EIF4G3: variants seen among roughly 807,000 people sequenced by gnomAD.
The protein encoded by EIF4G3 is eukaryotic translation initiation factor 4 gamma 3, also known as eIF-4-gamma 3.
In EIF4G3, 34 loss-of-function variants were observed where a neutral mutation model predicts 186.4. That is an observed-to-expected ratio of 0.18 (90% CI 0.14 to 0.24). The LOEUF (loss-of-function observed/expected upper bound fraction) is 0.24, where lower values mean the gene tolerates loss of function less well. Among genes scored for constraint, EIF4G3 ranks in the 10% least tolerant of loss-of-function variants. The pLI is 1.00. For missense variants in EIF4G3, 1,536 were observed against 1,948.5 expected (o/e 0.79, Z 3.99); for synonymous variants, 673 against 679.5 (o/e 0.99, Z 0.15).
rs80312286 is a variant in EIF4G3 at position 20,973,606 on chromosome 1, G to A, written c.494-507C>T. Reference sequence around the variant, plus strand: ...GTACATAAAGGATTAGCAAATTTCCGAATACTGGGGTGGAAAAAAGGCTCA... The same window carrying A: ...GTACATAAAGGATTAGCAAATTTCCAAATACTGGGGTGGAAAAAAGGCTCA... On this transcript the variant is annotated intron_variant, in intron 10 of 36. Coordinates refer to ENST00000602326, the MANE Select transcript of EIF4G3 (RefSeq NM_001391906.1). Among the ~76,000 whole-genome samples the A allele has an allele frequency of 4.2e-3, 635 of 152,242 alleles. 6 individuals are homozygous for A. Among genetic ancestry groups the A allele is most frequent in the African/African-American group, 0.014 (588 of 41,560 alleles).
At chr1:20,876,419 C>T (rs115299399) in intron 20 of EIF4G3, among the ~76,000 whole-genome samples, 4,143 of 141,840 alleles carry the variant, frequency 0.029, 113 homozygotes, top group Middle Eastern at 0.059. Context: ...ATGACCTAGA[C>T]GGCTGCCCAA....
At chr1:21,022,806 G>GT (rs1208560782) in intron 4 of EIF4G3, among the ~76,000 whole-genome samples, 1 of 152,220 alleles carries the variant, frequency 6.6e-6, no homozygotes, top group East Asian at 1.9e-4. Context: ...AAGTATTACA[G>GT]TATCACCTCA....
At chr1:21,162,517 C>T (rs926548259) in intron 2 of EIF4G3, among the ~76,000 whole-genome samples, 11 of 150,222 alleles carry the variant, frequency 7.3e-5, no homozygotes, top group African/African-American at 2.0e-4. Flanking sequence ...GAGGCCGAGG[C>T]GGGTGGATCA....
At chr1:20,944,032 G>A (rs1278141100) in intron 13 of EIF4G3, among the ~76,000 whole-genome samples, 2 of 148,474 alleles carry the variant, frequency 1.3e-5, no homozygotes, top group Non-Finnish European at 3.0e-5. Context: ...GTGTGTGTGT[G>A]TGTGTGTGTA....
chr1:21,152,834 C>T (rs2097574407), intron 2 of EIF4G3, among the ~76,000 whole-genome samples: 1 of 152,078 alleles, frequency 6.6e-6, no homozygotes, highest in Non-Finnish European at 1.5e-5. Flanking sequence ...GTAAAAGATC[C>T]ATTCAAGCCA....
chr1:20,973,792 T>C (rs1197205831), intron 10 of EIF4G3, among the ~76,000 whole-genome samples: 1 of 152,352 alleles, frequency 6.6e-6, no homozygotes, highest in East Asian at 1.9e-4. Flanking sequence ...GTACTGCCCA[T>C]CTGCCTGAAA....
chr1:20,950,254 C>A, intron 12 of EIF4G3, 143 bp from the exon 13 acceptor site: 2 of 489,774 alleles, frequency 4.1e-6, no homozygotes, highest in South Asian at 3.2e-5. Context: ...AATATATAGT[C>A]CAATTTAATA....
intron 11 of EIF4G3, among the ~76,000 whole-genome samples, chr1:20,972,772 A>C (rs2076152116): frequency 6.6e-6 from 1 of 152,194 alleles, no homozygotes; most frequent in Admixed American, 6.5e-5. Flanking sequence ...TCATGTAGCA[A>C]ACCTAGCTCA....
intron 29 of EIF4G3, among the ~76,000 whole-genome samples, chr1:20,842,088 A>G (rs1274852720): frequency 6.6e-6 from 1 of 152,230 alleles, no homozygotes. Context: ...ACAACTACAT[A>G]TCTTCACTTT....
chr1:20,928,864 GGTAT>G (rs2095122072), intron 14 of EIF4G3, among the ~76,000 whole-genome samples: 1 of 151,934 alleles, frequency 6.6e-6, no homozygotes, highest in South Asian at 2.1e-4. Context: ...AAAGAAGCTC[GGTAT>G]GTATTAGCAC....
At chr1:21,080,598 C>T (rs879775171) in intron 3 of EIF4G3, among the ~76,000 whole-genome samples, 1 of 152,120 alleles carries the variant, frequency 6.6e-6, no homozygotes, top group Non-Finnish European at 1.5e-5. Context: ...CAACCTCTGC[C>T]TCCGGGGTTC....
rs184117800 is a variant in EIF4G3, at chr1:21,104,400, G to A, written c.-271-15187C>T. On this transcript the variant is annotated intron_variant, in intron 2 of 36. Coordinates refer to ENST00000602326, the MANE Select transcript of EIF4G3 (RefSeq NM_001391906.1). ...CAATTAAAATAGGAAAAATTATAAA[G>A]TGGGCAAAGAACATGAACAAACACT... Among the ~76,000 whole-genome samples the A allele has an allele frequency of 3.8e-4, 58 of 152,220 alleles. No homozygotes were observed. The East Asian group carries it at 0.011, about 28-fold the overall frequency.
chr1:21,117,763 T>TAAAAAAAAAAAAAAAAA (rs757506833), intron 2 of EIF4G3, among the ~76,000 whole-genome samples: 150 of 107,350 alleles, frequency 1.4e-3, no homozygotes, highest in East Asian at 3.6e-3. Flanking sequence ...AAAAAAAAAT[T>TAAAAAAAAAAAAAAAAA]AAAAGCAGAA....
At chr1:20,967,270 T>C (rs1032259197) in intron 12 of EIF4G3, among the ~76,000 whole-genome samples, 2 of 152,218 alleles carry the variant, frequency 1.3e-5, no homozygotes, top group African/African-American at 4.8e-5. Context: ...CAACAAAGGA[T>C]TGTCTATCCT....
chr1:21,092,067 G>A (rs146161571), intron 2 of EIF4G3, among the ~76,000 whole-genome samples: 2,510 of 152,196 alleles, frequency 0.016, 36 homozygotes, highest in Non-Finnish European at 0.025. Flanking sequence ...CCTGTCTTGC[G>A]CCAGTTTTCA....
At chr1:20,867,481 C>T (rs2154552549) in intron 20 of EIF4G3, among the ~76,000 whole-genome samples, 1 of 152,222 alleles carries the variant, frequency 6.6e-6, no homozygotes. Flanking sequence ...GTGACTTTGG[C>T]CAAGTCACTC....
rs371442034 is a variant in EIF4G3, at chr1:21,082,817, TC to T, written c.-196+6320del. 2.3e-3 allele frequency among the ~76,000 whole-genome samples: 342 copies of T among 151,646 alleles called. 3 individuals are homozygous for T. In the East Asian group the frequency reaches 0.039, roughly 17 times the overall value. ...ACTTTGGGAGGCCGAGACGGGCGGA[TC>T]ACGAGGTCAGGAGATCGAGACCATC... On this transcript the variant is annotated intron_variant, in intron 3 of 36. Coordinates refer to ENST00000602326, the MANE Select transcript of EIF4G3 (RefSeq NM_001391906.1).
intron 2 of EIF4G3, among the ~76,000 whole-genome samples, chr1:21,130,401 G>A (rs2097132808): frequency 6.6e-6 from 1 of 151,514 alleles, no homozygotes; most frequent in Non-Finnish European, 1.5e-5. Flanking sequence ...ATTTTTTTGT[G>A]TTTTTTTAGT....
intron 20 of EIF4G3, among the ~76,000 whole-genome samples, chr1:20,874,780 T>G (rs2080270111): frequency 6.6e-6 from 1 of 152,206 alleles, no homozygotes; most frequent in Non-Finnish European, 1.5e-5. Flanking sequence ...CTTTCCCTAC[T>G]CAAAAGTTCA....
Sources: gnomAD v4.1 joint callset for allele counts (sites outside exome capture counted in the v4.1 genomes callset) on GRCh38, gnomAD v4.1.1 for gene constraint, MANE v1.5 for transcripts, NCBI Gene and HGNC (gene_info 2026-07-23, HGNC 2026-07-21) for gene names.